Variants in APBB1IP observed in about 807,000 individuals in gnomAD.
APBB1IP encodes amyloid beta precursor protein binding family B member 1 interacting protein, also known as amyloid beta A4 precursor protein-binding family B member 1-interacting protein.
A neutral mutation model predicts 64.9 loss-of-function variants in APBB1IP; 27 were observed. The ratio of observed to expected loss-of-function variants is 0.42; its 90% CI spans 0.31 to 0.57. The LOEUF is 0.57. Ranked by LOEUF, APBB1IP falls within the 20% of genes least tolerant of loss-of-function variation. The probability of loss-of-function intolerance (pLI) is 0.20; values close to 1 mark genes in which losing one functional copy is unlikely to be tolerated. For missense variants in APBB1IP, 812 were observed against 845.5 expected, an observed-to-expected ratio of 0.96 and a Z score of 0.49; for synonymous variants, 392 against 331.0, an observed-to-expected ratio of 1.18 and a Z score of -2.00.
At chr10:26,439,066 G>A (rs991989406) in intron 2 of APBB1IP, among the ~76,000 whole-genome samples, 2 of 152,202 alleles carry the variant, frequency 1.3e-5, no homozygotes, top group Non-Finnish European at 2.9e-5. Flanking sequence ...GGCTCGCGAG[G>A]GTGGGGGTGT....
At chr10:26,457,229 C>G (rs1835537367) in intron 2 of APBB1IP, among the ~76,000 whole-genome samples, 2 of 152,156 alleles carry the variant, frequency 1.3e-5, no homozygotes, top group African/African-American at 4.8e-5. Flanking sequence ...GCCTTGTCTT[C>G]CCTTTCTCTG....
rs1157859120 is a variant in APBB1IP, at chr10:26,567,645, T to C, written c.*157T>C. Reference sequence around the variant, plus strand: ...AGTACAGGCATAACCATTAACCCAGTAGAGTTCAGAATATCTGCCCAAATG... The same window carrying C: ...AGTACAGGCATAACCATTAACCCAGCAGAGTTCAGAATATCTGCCCAAATG... On this transcript the variant is annotated 3_prime_UTR_variant, in exon 15 of 15. Transcript: ENST00000376236. The C allele has an allele frequency of 3.6e-6, 5 of 1,390,872 alleles. No individual in the cohort carries two copies. The highest frequency in any genetic ancestry group is 4.7e-6 in the Non-Finnish European group (5 of 1,057,940). 86.2% of individuals were successfully genotyped at this position (1,390,872 alleles called of 1,614,324 possible).
intron 11 of APBB1IP, among the ~76,000 whole-genome samples, chr10:26,555,510 T>A (rs1410459318): frequency 6.6e-6 from 1 of 152,204 alleles, no homozygotes; most frequent in East Asian, 1.9e-4. Flanking sequence ...GTGATTTGAT[T>A]ACATCAGGTG....
In APBB1IP at chr10:26,499,543, T is replaced by C. The variant is rs529558332; in HGVS notation, c.161-1276T>C. On this transcript the variant is annotated intron_variant, in intron 4 of 14. Transcript: ENST00000376236. ...CATTTCCTCAGTCTGTTTCATCATA[T>C]CTATAGCAGCTAGAATTCTCCTCAT... Among the ~76,000 whole-genome samples, 5 of 152,278 alleles carry C rather than the reference T, an allele frequency of 3.3e-5. No homozygotes were observed. The East Asian group carries it at 9.6e-4, about 29-fold the overall frequency.
chr10:26,503,390 C>T, intron 6 of APBB1IP, 116 bp downstream of exon 6: 1 of 913,168 alleles, frequency 1.1e-6, no homozygotes, highest in Non-Finnish European at 1.6e-6. Flanking sequence ...AATCCCAGCA[C>T]TTTGGGAGGA....
chr10:26,534,567 CT>C (rs1435861827), intron 9 of APBB1IP, among the ~76,000 whole-genome samples: 4 of 152,184 alleles, frequency 2.6e-5, no homozygotes, highest in Non-Finnish European at 4.4e-5. Flanking sequence ...TTAGCTCATG[CT>C]GAAGAGCGCC....
Position 26,533,513 on chromosome 10 carries a change from A to C in APBB1IP, c.888A>C (p.Glu296Asp). 2 of 1,603,080 alleles carry C rather than the reference A, an allele frequency of 1.2e-6. No individual in the cohort carries two copies. The highest frequency in any genetic ancestry group is 1.7e-6 in the Non-Finnish European group (2 of 1,175,516). The change falls in exon 9 of 15, where the codon GAA (glutamate) becomes GAC (aspartate). Residue 296 changes from glutamate to aspartate, a missense_variant. Coordinates refer to ENST00000376236, the MANE Select transcript of APBB1IP (RefSeq NM_019043.4). ...TNEKMNAKNK[E>D]SLLEESFCGT... ...AGAAAATGAATGCTAAGAACAAGGA[A>C]TCCTTACTTGAGGTAAGGTTAATTT...
intron 2 of APBB1IP, among the ~76,000 whole-genome samples, chr10:26,470,134 C>A (rs1179499755): frequency 6.6e-6 from 1 of 152,178 alleles, no homozygotes; most frequent in African/African-American, 2.4e-5. Flanking sequence ...GGTGCAAAAG[C>A]AACACACATT....
intron 8 of APBB1IP, among the ~76,000 whole-genome samples, chr10:26,526,659 C>T (rs1411418778): frequency 1.3e-5 from 2 of 151,904 alleles, no homozygotes; most frequent in African/African-American, 4.8e-5. Flanking sequence ...GCGGAAGTTG[C>T]GGTGAGCCGA....
chr10:26,550,521 GA>G (rs1173690195), intron 11 of APBB1IP, among the ~76,000 whole-genome samples: 1 of 151,674 alleles, frequency 6.6e-6, no homozygotes, highest in Non-Finnish European at 1.5e-5. Context: ...TATTCTGCTT[GA>G]TCAATTCTGC....
chr10:26,567,254 G>C lies in APBB1IP; in HGVS notation c.1767G>C (p.Ser589=). Residue 589 remains serine (S), a synonymous_variant, in exon 15 of 15, where the codon TCG becomes TCC. Coordinates refer to ENST00000376236, the MANE Select transcript of APBB1IP (RefSeq NM_019043.4). Reference sequence around the variant, plus strand: ...ACTTCGTGCCCCCGCCCCCGCCGTCGTACGCAGGGATCGCGGGCTCAGAGC... The same window carrying C: ...ACTTCGTGCCCCCGCCCCCGCCGTCCTACGCAGGGATCGCGGGCTCAGAGC... ...PPDFVPPPPP[S]YAGIAGSELP... 3 of 1,302,536 alleles carry C rather than the reference G, an allele frequency of 2.3e-6. No homozygotes were observed. The highest frequency in any genetic ancestry group is 2.9e-6 in the Non-Finnish European group (3 of 1,024,180). 80.7% of individuals were successfully genotyped at this position (1,302,536 alleles called of 1,614,324 possible). A position where few individuals can be genotyped will look rare whatever the true frequency, so the allele number is the denominator to read the frequency against.
Position 26,538,008 on chromosome 10 carries a change from G to A in APBB1IP, c.1044+1791G>A, listed in dbSNP as rs1046914892. 4.0e-5 allele frequency among the ~76,000 whole-genome samples: 6 copies of A among 151,300 alleles called. No homozygotes were observed. The East Asian group carries it at 5.8e-4, about 15-fold the overall frequency. On this transcript the variant is annotated intron_variant, in intron 10 of 14. Transcript: ENST00000376236. ...CTTCTCTCACTGTTACCATTAACAC[G>A]GGGTTGAGGAACTAACTAGTATATT...
At chr10:26,537,530 A>C (rs1836640516) in intron 10 of APBB1IP, among the ~76,000 whole-genome samples, 1 of 152,122 alleles carries the variant, frequency 6.6e-6, no homozygotes, top group African/African-American at 2.4e-5. Flanking sequence ...CTCACAACTG[A>C]CCCACAAATA....
At chr10:26,505,620 C>T (rs760185164) in intron 6 of APBB1IP, among the ~76,000 whole-genome samples, 10 of 152,186 alleles carry the variant, frequency 6.6e-5, no homozygotes, top group Non-Finnish European at 1.3e-4. Context: ...GCTGGGATTA[C>T]AAGCATGAGC....
chr10:26,546,666 CCT>C (rs1270060302), intron 11 of APBB1IP, among the ~76,000 whole-genome samples: 1 of 152,142 alleles, frequency 6.6e-6, no homozygotes, highest in African/African-American at 2.4e-5. Context: ...CATTGACAAG[CCT>C]CTCTCCCCAT....
At chr10:26,562,858 T>A (rs1836991655) in intron 14 of APBB1IP, among the ~76,000 whole-genome samples, 2 of 152,296 alleles carry the variant, frequency 1.3e-5, no homozygotes, top group South Asian at 4.1e-4. Context: ...GAGAAGTTAC[T>A]ACAATTTAAT....
At chr10:26,489,359 G>T (rs1835929688) in intron 2 of APBB1IP, among the ~76,000 whole-genome samples, 1 of 152,106 alleles carries the variant, frequency 6.6e-6, no homozygotes, top group South Asian at 2.1e-4. Context: ...TGTAGGAGAA[G>T]AAAATAATTT....
At chr10:26,463,832 C>A (rs1425978235) in intron 2 of APBB1IP, among the ~76,000 whole-genome samples, 2 of 152,074 alleles carry the variant, frequency 1.3e-5, no homozygotes, top group East Asian at 3.8e-4. Context: ...ACCTATCAAC[C>A]CATCATCTAG....
intron 10 of APBB1IP, among the ~76,000 whole-genome samples, chr10:26,539,139 G>A (rs1836665186): frequency 6.6e-6 from 1 of 152,164 alleles, no homozygotes; most frequent in Admixed American, 6.5e-5. Context: ...GGCTGGGTGC[G>A]GTGGCTCATG....
Sources: allele counts gnomAD v4.1 joint callset (sites outside exome capture counted in the v4.1 genomes callset), GRCh38; gene constraint gnomAD v4.1.1; transcripts MANE v1.5; gene names NCBI Gene and HGNC (gene_info 2026-07-23, HGNC 2026-07-21).